The following SAMD5 variants were observed in gnomAD, a reference collection of about 807,000 sequenced individuals.
SAMD5 encodes the protein sterile alpha motif domain-containing protein 5.
A neutral mutation model predicts 11.3 loss-of-function variants in SAMD5; 13 were observed. The observed-to-expected ratio is 1.15, with a 90% CI of 0.75 to 1.83. The LOEUF is 1.83. SAMD5 is among the 40% of genes most tolerant of loss of function. The pLI is 0.00. For missense variants in SAMD5, 255 were observed against 239.1 expected (o/e 1.07, Z -0.44); for synonymous variants, 129 against 111.3 (o/e 1.16, Z -1.00).
At chr6:147,705,922 T>A (rs564017555) in intron 1 of SAMD5, among the ~76,000 whole-genome samples, 48 of 152,326 alleles carry the variant, frequency 3.2e-4, no homozygotes, top group African/African-American at 1.1e-3. Flanking sequence ...TGTTAGGCCT[T>A]TTAGTGGGTT....
intron 1 of SAMD5, among the ~76,000 whole-genome samples, chr6:147,727,397 C>T (rs1485679425): frequency 2.6e-5 from 4 of 152,154 alleles, no homozygotes; most frequent in South Asian, 2.1e-4. Flanking sequence ...TTTGAATGTA[C>T]CTGGGTCATA....
intron 1 of SAMD5, among the ~76,000 whole-genome samples, chr6:147,623,645 G>A (rs117813910): frequency 4.2e-3 from 646 of 152,234 alleles, no homozygotes; most frequent in Non-Finnish European, 7.1e-3. Context: ...TAAAAACAAA[G>A]TATATTGCAG....
At chr6:147,835,732 G>A in the SAMD5 span, among the ~76,000 whole-genome samples, 1 of 152,152 alleles carries the variant, frequency 6.6e-6, no homozygotes, top group Admixed American at 6.5e-5. Flanking sequence ...ACAGGAGGGA[G>A]ACTGGAGAGA....
Position 147,508,855 on chromosome 6 carries a change from G to A in SAMD5, c.-74G>A. ...TTCCCCTTGGAGGAGAGGATTAAAA[G>A]TTCCAAGAACTGGTGCCGCCCGTGC... is the stretch of plus-strand genomic sequence containing the variant. On this transcript the variant is annotated 5_prime_UTR_variant, in exon 1 of 2. Transcript: ENST00000367474. 1 of 1,539,760 alleles carries A rather than the reference G, an allele frequency of 6.5e-7. No homozygotes were observed. The highest frequency in any genetic ancestry group is 8.7e-7 in the Non-Finnish European group (1 of 1,147,914).
chr6:147,631,675 A>AC (rs1790154837), intron 1 of SAMD5, among the ~76,000 whole-genome samples: 1 of 152,114 alleles, frequency 6.6e-6, no homozygotes, highest in Admixed American at 6.6e-5. Context: ...GCCTCTACCC[A>AC]CCCAGTGAAA....
chr6:147,813,142 G>A, the SAMD5 span, among the ~76,000 whole-genome samples: 1 of 152,152 alleles, frequency 6.6e-6, no homozygotes, highest in Non-Finnish European at 1.5e-5. Flanking sequence ...ATTAAAAGCA[G>A]GCCATGGACT....
At chr6:147,533,116 A>T (rs1438251215) in intron 1 of SAMD5, among the ~76,000 whole-genome samples, 1 of 152,110 alleles carries the variant, frequency 6.6e-6, no homozygotes, top group Admixed American at 6.5e-5. Context: ...AGGCCAGCAC[A>T]CCCAGAGCCC....
Position 147,650,829 on chromosome 6 carries a change from G to A in SAMD5, c.163-86488G>A, listed in dbSNP as rs146712421. Among the ~76,000 whole-genome samples the A allele has an allele frequency of 2.1e-3, 320 of 152,238 alleles. 1 individual carries two copies. Among genetic ancestry groups the A allele is most frequent in the African/African-American group, 7.3e-3 (304 of 41,540 alleles). On this transcript the variant is annotated intron_variant, in intron 1 of 1. Transcript: ENST00000566741. ...TCAGGCTCCAGTAGGGCATCCAGGC[G>A]GAGATACCTACCTGTGCAATTTTGG...
At chr6:147,813,396 C>T in the SAMD5 span, among the ~76,000 whole-genome samples, 1 of 152,120 alleles carries the variant, frequency 6.6e-6, no homozygotes, top group Admixed American at 6.6e-5. Context: ...TTATGACTAC[C>T]AAGTTGGGAA....
chr6:147,524,419 G>GTT (rs202193174), intron 1 of SAMD5, among the ~76,000 whole-genome samples: 12 of 148,594 alleles, frequency 8.1e-5, no homozygotes, highest in South Asian at 2.1e-4. Context: ...TTTTGTTTTT[G>GTT]TTGTTTTTTT....
At chr6:147,646,014 G>GTATCTATC (rs1184365599) in intron 1 of SAMD5, among the ~76,000 whole-genome samples, 1 of 55,438 alleles carries the variant, frequency 1.8e-5, no homozygotes, top group African/African-American at 3.4e-5. Context: ...GTCTGTCTAT[G>GTATCTATC]TATCTATCTA....
intron 1 of SAMD5, among the ~76,000 whole-genome samples, chr6:147,675,136 CAT>C (rs1790845297): frequency 6.6e-6 from 1 of 152,154 alleles, no homozygotes; most frequent in South Asian, 2.1e-4. Context: ...CCCTCAAAGA[CAT>C]AAAAACCAGA....
intron 1 of SAMD5, among the ~76,000 whole-genome samples, chr6:147,603,161 C>T (rs1383071403): frequency 6.6e-6 from 1 of 152,140 alleles, no homozygotes; most frequent in Non-Finnish European, 1.5e-5. Flanking sequence ...TGGGGAATTA[C>T]ATCAAATATG....
chr6:147,679,030 T>C (rs1412754213), intron 1 of SAMD5, among the ~76,000 whole-genome samples: 1 of 152,196 alleles, frequency 6.6e-6, no homozygotes, highest in East Asian at 1.9e-4. Context: ...TATACCACAA[T>C]TTAATGGATA....
chr6:147,621,939 A>G (rs1789974611), intron 1 of SAMD5, among the ~76,000 whole-genome samples: 1 of 152,238 alleles, frequency 6.6e-6, no homozygotes, highest in African/African-American at 2.4e-5. Flanking sequence ...GTAGCCAGAC[A>G]TATCTGAACG....
chr6:147,550,974 T>C (rs1788762236), intron 1 of SAMD5, among the ~76,000 whole-genome samples: 1 of 152,228 alleles, frequency 6.6e-6, no homozygotes, highest in African/African-American at 2.4e-5. Flanking sequence ...ATTTTCGTTG[T>C]GAGGCATCCA....
At chr6:147,756,311 A>G in the SAMD5 span, among the ~76,000 whole-genome samples, 4 of 152,154 alleles carry the variant, frequency 2.6e-5, no homozygotes, top group Admixed American at 6.6e-5. Flanking sequence ...TGCTACTTCA[A>G]CAAAACCAGA....
intron 1 of SAMD5, among the ~76,000 whole-genome samples, chr6:147,585,054 A>C (rs1202690115): frequency 6.6e-6 from 1 of 152,130 alleles, no homozygotes; most frequent in Non-Finnish European, 1.5e-5. Context: ...TGTTGACTCT[A>C]TGTGCTTTGT....
At chr6:147,675,500 T>C (rs1406509301) in intron 1 of SAMD5, among the ~76,000 whole-genome samples, 1 of 152,236 alleles carries the variant, frequency 6.6e-6, no homozygotes, top group Non-Finnish European at 1.5e-5. Context: ...TTCAGTGATG[T>C]CATCTCATTA....
Sources: allele counts gnomAD v4.1 joint callset (sites outside exome capture counted in the v4.1 genomes callset), GRCh38; gene constraint gnomAD v4.1.1; transcripts MANE v1.5; gene names NCBI Gene and HGNC (gene_info 2026-07-23, HGNC 2026-07-21).